Variants in ATP13A3 observed in about 807,000 individuals in gnomAD.
The protein encoded by ATP13A3 is ATPase 13A3.
Under a neutral mutation model 158.1 loss-of-function variants are expected in ATP13A3, and 59 were observed. The ratio of observed to expected loss-of-function variants is 0.37; its 90% confidence interval spans 0.30 to 0.46. The LOEUF (loss-of-function observed/expected upper bound fraction) is 0.46, where lower values mean the gene tolerates loss of function less well. Ranked by LOEUF, ATP13A3 falls within the 20% of genes least tolerant of loss-of-function variation. ATP13A3 has a pLI of 1.00. For synonymous variants in ATP13A3, 491 were observed against 504.3 expected (o/e 0.97, Z 0.35); for missense variants, 1,166 against 1,525.2 (o/e 0.76, Z 3.92).
rs763553701 is a variant in ATP13A3 at position 194,448,601 on chromosome 3, T to C, written c.1006A>G (p.Asn336Asp). ...ATTCCTTTCACATCCACTGAAGGAT[T>C]TGGCAAATTAGTCTTTGTCACTGGA... Reference protein sequence around the residue: ...SVPVTKTNLPNPSVDVKGIGD... With the variant: ...SVPVTKTNLPDPSVDVKGIGD... The change falls in exon 12 of 34, where the codon AAT becomes GAT. Residue 336 changes from asparagine to aspartate, a missense_variant. Coordinates refer to ENST00000645319, the MANE Select transcript of ATP13A3 (RefSeq NM_001367549.1). This position sits in a 1 kb window ranked among gnomAD's most constrained non-coding sequence, Gnocchi z 4.0. 25 of 1,613,198 alleles carry C rather than the reference T, an allele frequency of 1.5e-5. No homozygotes were observed. The highest frequency in any genetic ancestry group is 1.9e-5 in the Non-Finnish European group (22 of 1,179,790).
intron 33 of ATP13A3, 33 bp from the exon 34 acceptor site, chr3:194,406,149 C>T (rs1055271616): frequency 6.2e-7 from 1 of 1,603,774 alleles, no homozygotes; most frequent in Non-Finnish European, 8.5e-7. Flanking sequence ...AAACAAAACA[C>T]CCCAGTTGAT....
intron 2 of ATP13A3, among the ~76,000 whole-genome samples, chr3:194,476,768 T>TG (rs1553808794): frequency 2.1e-5 from 3 of 143,854 alleles, no homozygotes; most frequent in African/African-American, 8.6e-5. Context: ...AAGTTGTTGT[T>TG]TTTTTTTTTT....
At chr3:194,455,806 A>G in intron 8 of ATP13A3, 87 bp downstream of exon 8, 1 of 893,488 alleles carries the variant, frequency 1.1e-6, no homozygotes, top group Non-Finnish European at 1.7e-6. Context: ...GGAAAAAGAA[A>G]ACCAAGAATA....
intron 20 of ATP13A3, 112 bp downstream of exon 20, chr3:194,436,978 TATTAG>T (rs1339922267): frequency 1.4e-4 from 179 of 1,252,940 alleles, no homozygotes; most frequent in Non-Finnish European, 3.2e-5. Flanking sequence ...AACAATATTA[TATTAG>T]ATATCTTTTC....
chr3:194,427,334 AC>A, intron 28 of ATP13A3, 82 bp from the exon 29 acceptor site: 1 of 1,305,888 alleles, frequency 7.7e-7, no homozygotes, highest in Non-Finnish European at 1.0e-6. Context: ...TCATTTAGGA[AC>A]TTTAAAAATT....
chr3:194,475,150 C>T (rs1007686676), intron 2 of ATP13A3, among the ~76,000 whole-genome samples: 7 of 152,060 alleles, frequency 4.6e-5, no homozygotes, highest in African/African-American at 1.7e-4. Context: ...AGAGGTTATA[C>T]CTCCAAGTCT....
chr3:194,438,019 G>T (rs1037112949), intron 17 of ATP13A3, among the ~76,000 whole-genome samples: 1 of 152,266 alleles, frequency 6.6e-6, no homozygotes, highest in African/African-American at 2.4e-5. Context: ...AATTAGCCGG[G>T]TGTGGTGGCG....
At position 194,403,978 on chromosome 3, in the gene ATP13A3, C is replaced by A; in HGVS notation, c.*1941G>T. The A allele has an allele frequency of 2.7e-6, 1 of 368,392 alleles. No homozygotes were observed. The highest frequency in any genetic ancestry group is 2.2e-5 in the African/African-American group (1 of 46,270). 22.8% of individuals were successfully genotyped at this position (368,392 alleles called of 1,614,324 possible). ...TGCTCTTAAAGATGTTAAATACAAT[C>A]GGATAATTGAATTTTTAAGCTGCTA... On this transcript the variant is annotated 3_prime_UTR_variant, in exon 34 of 34. Transcript: ENST00000645319.
Position 194,459,932 on chromosome 3 carries a change from G to A in ATP13A3, c.265C>T (p.Leu89Phe), listed in dbSNP as rs753356894. The A allele has an allele frequency of 4.3e-6, 7 of 1,613,064 alleles. No individual in the cohort carries two copies. Among genetic ancestry groups the A allele is most frequent in the Admixed American group, 1.7e-5 (1 of 59,924 alleles). ...GAAACTGGGTAAGTTTCCAAAGAAA[G>A]AACGCGAATTTTTGCACAAAACCAC... ...KMWFCAKIRVLSLETYPVSSP... is the reference protein window; with the variant it reads ...KMWFCAKIRVFSLETYPVSSP... Residue 89 changes from leucine to phenylalanine, a missense_variant, in exon 5 of 34, where the codon CTT becomes TTT. Leu to Phe is a conservative substitution (Grantham distance 22). This residue lies in a region of ATP13A3 where 104 missense variants were observed against 91.7 expected (regional missense o/e 1.13). Coordinates refer to ENST00000645319, the MANE Select transcript of ATP13A3 (RefSeq NM_001367549.1).
intron 2 of ATP13A3, chr3:194,468,380 TGA>T (rs201750294): frequency 4.2e-3 from 514 of 121,636 alleles, no homozygotes; most frequent in African/African-American, 0.021. Flanking sequence ...ATTTGCTGTG[TGA>T]GTTTAAAAAA....
chr3:194,465,873 T>G (rs1431378786), intron 2 of ATP13A3, among the ~76,000 whole-genome samples: 3 of 151,328 alleles, frequency 2.0e-5, no homozygotes, highest in Non-Finnish European at 4.4e-5. Context: ...TCCCAGCTAC[T>G]CAGGAGGGTG....
At chr3:194,407,601 T>C (rs1436473296) in intron 33 of ATP13A3, among the ~76,000 whole-genome samples, 1 of 152,190 alleles carries the variant, frequency 6.6e-6, no homozygotes, top group East Asian at 1.9e-4. Flanking sequence ...AAAGGTCTGC[T>C]AGCTTAAGCC....
chr3:194,407,054 G>A (rs932138138), intron 33 of ATP13A3, among the ~76,000 whole-genome samples: 1 of 152,088 alleles, frequency 6.6e-6, no homozygotes, highest in South Asian at 2.1e-4. Flanking sequence ...AGAGTCCCTG[G>A]TTAATGCATA....
intron 11 of ATP13A3, among the ~76,000 whole-genome samples, chr3:194,449,047 ACAC>A (rs1718607879): frequency 6.4e-5 from 1 of 15,570 alleles, no homozygotes; most frequent in African/African-American, 4.3e-4. Flanking sequence ...CCACCCCTAC[ACAC>A]ACACACACAC....
chr3:194,448,762 A>G lies in ATP13A3; in HGVS notation c.971-126T>C, dbSNP rs557709359. ...TTTAAATGCTACCATACTGTTTACA[A>G]TAATCACTGAGAGTTGTATATGTGG... On this transcript the variant is annotated intron_variant, in intron 11 of 33. Coordinates refer to ENST00000645319, the MANE Select transcript of ATP13A3 (RefSeq NM_001367549.1). The surrounding 1 kb of genome is among the most constrained non-coding windows in gnomAD (Gnocchi z 4.0). 1.1e-3 allele frequency: 1,088 copies of G among 999,362 alleles called. 2 individuals are homozygous for G. The highest frequency in any genetic ancestry group is 1.5e-3 in the Non-Finnish European group (1,042 of 709,678). The allele number at this position is 999,362 out of a possible 1,614,324, so 61.9% of individuals were successfully genotyped here.
intron 2 of ATP13A3, among the ~76,000 whole-genome samples, chr3:194,463,913 G>A (rs1001718695): frequency 5.9e-5 from 9 of 152,238 alleles, no homozygotes; most frequent in East Asian, 5.8e-4. Context: ...TAATCCCAGC[G>A]CTCTGGGAGG....
At chr3:194,443,032 T>C (rs1718155456) in intron 15 of ATP13A3, among the ~76,000 whole-genome samples, 1 of 144,366 alleles carries the variant, frequency 6.9e-6, no homozygotes, top group African/African-American at 2.5e-5. Flanking sequence ...TAAATTTGCT[T>C]TCACTTAAAA....
intron 33 of ATP13A3, among the ~76,000 whole-genome samples, chr3:194,407,173 T>G (rs1714999109): frequency 6.6e-6 from 1 of 152,220 alleles, no homozygotes; most frequent in Non-Finnish European, 1.5e-5. Flanking sequence ...TTATATTTAC[T>G]TCTAAAGAAC....
At position 194,441,430 on chromosome 3, in the gene ATP13A3, C is replaced by T; in HGVS notation, c.1591G>A (p.Glu531Lys). 1 of 1,613,476 alleles carries T rather than the reference C, an allele frequency of 6.2e-7. No homozygotes were observed. The highest frequency in any genetic ancestry group is 1.1e-5 in the South Asian group (1 of 91,042). The change falls in exon 16 of 34, where the codon GAG (glutamate) becomes AAG (lysine). Residue 531 changes from glutamate (E) to lysine (K), a missense_variant. By Grantham distance (56) the Glu-to-Lys change is moderately conservative. Coordinates refer to ENST00000645319, the MANE Select transcript of ATP13A3 (RefSeq NM_001367549.1). ...FLSPEENVCN[E>K]MLVKSQFVAC... ...ACAAACTGGGATTTTACCAACATCT[C>T]ATTGCACACATTTTCTTCTGGTGAA...
Sources: allele counts gnomAD v4.1 joint callset (sites outside exome capture counted in the v4.1 genomes callset), GRCh38; gene constraint gnomAD v4.1.1; regional missense constraint gnomAD v4.1.1; non-coding constraint Gnocchi (gnomAD v3.1); transcripts MANE v1.5; gene names NCBI Gene and HGNC (gene_info 2026-07-23, HGNC 2026-07-21).